The following PAMR1 variants were observed in gnomAD, a reference collection of about 807,000 sequenced individuals.
The protein encoded by PAMR1 is peptidase domain containing associated with muscle regeneration 1, also known as inactive serine protease PAMR1.
In PAMR1, 88 loss-of-function variants were observed where a neutral mutation model predicts 81.8. That is an observed-to-expected ratio of 1.08 (90% confidence interval 0.91 to 1.28). PAMR1 has a LOEUF of 1.28. PAMR1 is among the 50% of genes most tolerant of loss of function. The pLI is 0.00. For missense variants in PAMR1, 935 were observed against 919.7 expected, an observed-to-expected ratio of 1.02 and a Z score of -0.21; for synonymous variants, 336 against 345.3, an observed-to-expected ratio of 0.97 and a Z score of 0.30.
intron 8 of PAMR1, 49 bp downstream of exon 8, chr11:35,439,578 G>A (rs766202379): frequency 6.9e-7 from 1 of 1,441,132 alleles, no homozygotes; most frequent in South Asian, 1.1e-5. Flanking sequence ...GAATGGAAGG[G>A]GAAATACTCA....
upstream of PAMR1, chr11:35,525,983 G>T: frequency 4.5e-6 from 1 of 224,372 alleles, no homozygotes; most frequent in Non-Finnish European, 8.9e-6. Flanking sequence ...CTCAGGTGAG[G>T]CCGGGAGATC....
upstream of PAMR1, chr11:35,529,128 G>C (rs1033058206): frequency 1.3e-5 from 2 of 152,178 alleles, no homozygotes; most frequent in Non-Finnish European, 2.9e-5. Context: ...CATATTGATA[G>C]AGTTTAGTAT....
At chr11:35,447,747 G>A (rs943482472) in intron 6 of PAMR1, among the ~76,000 whole-genome samples, 1 of 152,144 alleles carries the variant, frequency 6.6e-6, no homozygotes, top group Non-Finnish European at 1.5e-5. Context: ...GCCTTGGTCT[G>A]TCTACTTCAG....
chr11:35,440,247 C>T (rs1856136641), intron 7 of PAMR1, among the ~76,000 whole-genome samples: 1 of 152,180 alleles, frequency 6.6e-6, no homozygotes, highest in Admixed American at 6.5e-5. Context: ...GAATCCTTCC[C>T]ATCTCACTTT....
intron 3 of PAMR1, among the ~76,000 whole-genome samples, chr11:35,480,070 A>G (rs990090547): frequency 1.3e-5 from 2 of 152,162 alleles, no homozygotes; most frequent in Non-Finnish European, 2.9e-5. Context: ...CTCCCCCATG[A>G]CGCAGTTCCA....
upstream of PAMR1, among the ~76,000 whole-genome samples, chr11:35,529,580 T>C (rs188218288): frequency 7.9e-5 from 12 of 152,228 alleles, no homozygotes; most frequent in East Asian, 2.1e-3. Context: ...GGTTTCCTCA[T>C]CTGTTAAGTC....
chr11:35,444,954 G>T (rs965450065), intron 6 of PAMR1, among the ~76,000 whole-genome samples: 1 of 152,118 alleles, frequency 6.6e-6, no homozygotes, highest in African/African-American at 2.4e-5. Flanking sequence ...TCACAATATT[G>T]ATTTTTCCTA....
At chr11:35,493,848 C>T (rs1056127825) in intron 2 of PAMR1, among the ~76,000 whole-genome samples, 9 of 152,218 alleles carry the variant, frequency 5.9e-5, no homozygotes, top group Non-Finnish European at 1.3e-4. Flanking sequence ...GTACATAAAG[C>T]TGCTCAGTCA....
intron 6 of PAMR1, among the ~76,000 whole-genome samples, chr11:35,452,211 T>G (rs1209833114): frequency 6.6e-6 from 1 of 152,078 alleles, no homozygotes; most frequent in East Asian, 1.9e-4. Flanking sequence ...AAAAGTATAA[T>G]GGCAGGAATT....
chr11:35,525,626 G>C (rs780623899), upstream of PAMR1: 2 of 1,589,780 alleles, frequency 1.3e-6, no homozygotes, highest in Non-Finnish European at 1.7e-6. Context: ...TGGGGAGGGA[G>C]AGGAGGGACC....
chr11:35,454,223 G>T (rs868766543), intron 6 of PAMR1, among the ~76,000 whole-genome samples: 1 of 152,162 alleles, frequency 6.6e-6, no homozygotes, highest in Admixed American at 6.5e-5. Flanking sequence ...CTGAGAACCG[G>T]CACTTACAAC....
chr11:35,459,920 T>C (rs1327922386), intron 6 of PAMR1, among the ~76,000 whole-genome samples: 1 of 152,252 alleles, frequency 6.6e-6, no homozygotes. Flanking sequence ...TGGATGAATC[T>C]GTAAAGTGCA....
intron 1 of PAMR1, among the ~76,000 whole-genome samples, chr11:35,500,567 T>G (rs1161584837): frequency 2.6e-5 from 4 of 152,220 alleles, no homozygotes; most frequent in Non-Finnish European, 2.9e-5. Flanking sequence ...TGAGTGGTCA[T>G]GAAGGGGCAT....
chr11:35,436,914 C>T (rs568610156), intron 8 of PAMR1, among the ~76,000 whole-genome samples: 18 of 152,262 alleles, frequency 1.2e-4, no homozygotes, highest in Admixed American at 1.0e-3. Flanking sequence ...GAAATGTAGA[C>T]ATTTTTTTCC....
chr11:35,517,812 C>T (rs1851195210), intron 1 of PAMR1, among the ~76,000 whole-genome samples: 1 of 152,142 alleles, frequency 6.6e-6, no homozygotes, highest in African/African-American at 2.4e-5. Context: ...CTTGATATTG[C>T]CAACACCTAT....
chr11:35,497,921 A>C (rs1478012206), intron 1 of PAMR1, among the ~76,000 whole-genome samples: 1 of 152,226 alleles, frequency 6.6e-6, no homozygotes, highest in Non-Finnish European at 1.5e-5. Context: ...GGCTGAGAGA[A>C]TGAAGGGAAG....
chr11:35,498,878 T>C (rs1044098433), intron 1 of PAMR1, among the ~76,000 whole-genome samples: 4 of 152,194 alleles, frequency 2.6e-5, no homozygotes, highest in Non-Finnish European at 4.4e-5. Context: ...TTCGATCCCA[T>C]CCGTGGTTAT....
At chr11:35,479,537 G>T (rs1565344874) in intron 3 of PAMR1, among the ~76,000 whole-genome samples, 1 of 152,180 alleles carries the variant, frequency 6.6e-6, no homozygotes, top group Non-Finnish European at 1.5e-5. Flanking sequence ...GGCACTGATT[G>T]TTTTGGTCCA....
chr11:35,521,173 T>C (rs1364396855), intron 1 of PAMR1, among the ~76,000 whole-genome samples: 1 of 152,188 alleles, frequency 6.6e-6, no homozygotes, highest in African/African-American at 2.4e-5. Flanking sequence ...AAGTAAAACA[T>C]TTTACTAAAG....
Sources: allele counts gnomAD v4.1 joint callset (sites outside exome capture counted in the v4.1 genomes callset), GRCh38; gene constraint gnomAD v4.1.1; transcripts MANE v1.5; gene names NCBI Gene and HGNC (gene_info 2026-07-23, HGNC 2026-07-21).